PALM2AKAP2: variants seen among roughly 807,000 people sequenced by gnomAD.
The protein encoded by PALM2AKAP2 is PALM2 and AKAP2 fusion, also known as PALM2-AKAP2 fusion protein.
PALM2AKAP2 carries 37 observed loss-of-function variants against 71.5 expected under a neutral mutation model. The ratio of observed to expected loss-of-function variants is 0.52; its 90% CI spans 0.40 to 0.68. The LOEUF is 0.68. Ranked by LOEUF, PALM2AKAP2 falls within the 30% of genes least tolerant of loss-of-function variation. The pLI is 0.00. For synonymous variants in PALM2AKAP2, 468 were observed against 478.8 expected, an observed-to-expected ratio of 0.98 and a Z score of 0.29; for missense variants, 1,224 against 1,191.8, an observed-to-expected ratio of 1.03 and a Z score of -0.40.
intron 1 of PALM2AKAP2, among the ~76,000 whole-genome samples, chr9:109,746,842 G>T (rs1417727181): frequency 6.6e-6 from 1 of 152,216 alleles, no homozygotes; most frequent in Non-Finnish European, 1.5e-5. Context: ...GCTAGATGTG[G>T]CTTCTAGTTG....
intron 6 of PALM2AKAP2, among the ~76,000 whole-genome samples, chr9:109,935,471 G>T (rs969475666): frequency 6.6e-6 from 1 of 152,104 alleles, no homozygotes; most frequent in Non-Finnish European, 1.5e-5. Context: ...TAGTCCACAG[G>T]AATATAAGGG....
intron 1 of PALM2AKAP2, among the ~76,000 whole-genome samples, chr9:110,096,361 T>C (rs1834836061): frequency 6.6e-6 from 1 of 152,090 alleles, no homozygotes; most frequent in Non-Finnish European, 1.5e-5. Flanking sequence ...CCTCCTGGGC[T>C]CAAGCGATCC....
chr9:109,936,615 C>G (rs1294225137), intron 6 of PALM2AKAP2, among the ~76,000 whole-genome samples: 1 of 152,208 alleles, frequency 6.6e-6, no homozygotes, highest in African/African-American at 2.4e-5. Context: ...TGAGATGACC[C>G]TGACCCCCCA....
chr9:109,664,103 C>A (rs1202422338), intron 1 of PALM2AKAP2, among the ~76,000 whole-genome samples: 1 of 152,090 alleles, frequency 6.6e-6, no homozygotes, highest in African/African-American at 2.4e-5. Context: ...AGATGGGTGT[C>A]CTGAATACAA....
intron 1 of PALM2AKAP2, among the ~76,000 whole-genome samples, chr9:109,757,461 G>T (rs1314546797): frequency 3.9e-5 from 6 of 151,976 alleles, no homozygotes; most frequent in Non-Finnish European, 5.9e-5. Flanking sequence ...GTCTCCTATG[G>T]TCACAAAGTC....
chr9:109,942,876 C>A, intron 6 of PALM2AKAP2: 1 of 1,614,102 alleles, frequency 6.2e-7, no homozygotes, highest in Non-Finnish European at 8.5e-7. Context: ...ACAAATTAAG[C>A]ACAAAGGATG....
At chr9:109,764,512 C>T (rs1260275172) in intron 1 of PALM2AKAP2, among the ~76,000 whole-genome samples, 2 of 152,186 alleles carry the variant, frequency 1.3e-5, no homozygotes, top group Non-Finnish European at 2.9e-5. Flanking sequence ...CTGGACCCTT[C>T]TCTGGCAGTT....
chr9:110,132,345 C>T (rs1479508425), intron 1 of PALM2AKAP2, among the ~76,000 whole-genome samples: 1 of 151,874 alleles, frequency 6.6e-6, no homozygotes, highest in Non-Finnish European at 1.5e-5. Context: ...CAGGGGTGAG[C>T]CACCGTGCGG....
intron 7 of PALM2AKAP2, among the ~76,000 whole-genome samples, chr9:110,018,519 TG>T (rs1472706689): frequency 6.6e-6 from 1 of 151,926 alleles, no homozygotes; most frequent in Non-Finnish European, 1.5e-5. Context: ...TTAGTAAAGA[TG>T]GGGTTTCACC....
At chr9:109,686,275 G>T (rs141632698) in intron 1 of PALM2AKAP2, among the ~76,000 whole-genome samples, 100 of 152,260 alleles carry the variant, frequency 6.6e-4, no homozygotes, top group African/African-American at 2.4e-3. Flanking sequence ...TTTCCAGAAG[G>T]TTTTCAATTT....
intron 1 of PALM2AKAP2, among the ~76,000 whole-genome samples, chr9:109,666,635 T>G (rs1185856453): frequency 1.3e-5 from 2 of 152,254 alleles, no homozygotes; most frequent in African/African-American, 4.8e-5. Context: ...TGGTTCTAAA[T>G]GTCCAGGCTC....
rs78702396 is a variant in PALM2AKAP2, at chr9:109,736,663, G to A, written c.6-43825G>A. ...CAGATTTCTTAAATGTATCTATCGC[G>A]TAGTGGTGACATCTGGGCTTTTAGT... On this transcript the variant is annotated intron_variant, in intron 1 of 6. Coordinates refer to the PALM2AKAP2 transcript ENST00000374531. 9.5e-4 allele frequency among the ~76,000 whole-genome samples: 145 copies of A among 152,050 alleles called. 5 individuals carry two copies. In the East Asian group the frequency reaches 0.025, roughly 27 times the overall value.
At chr9:110,048,514 C>G (rs1227483511), upstream of PALM2AKAP2, 5 of 578,470 alleles carry the variant, frequency 8.6e-6, no homozygotes, top group African/African-American at 2.0e-5. Context: ...GTTTGTGCAT[C>G]GATTCCGCCG....
intron 7 of PALM2AKAP2, among the ~76,000 whole-genome samples, chr9:110,021,740 T>TA (rs1427928074): frequency 4.7e-4 from 65 of 138,464 alleles, no homozygotes; most frequent in Non-Finnish European, 8.6e-4. Context: ...GACATTGAAT[T>TA]TAAAAAAAAA....
At chr9:109,964,167 A>G (rs917989372) in intron 6 of PALM2AKAP2, among the ~76,000 whole-genome samples, 2 of 152,260 alleles carry the variant, frequency 1.3e-5, no homozygotes, top group African/African-American at 4.8e-5. Flanking sequence ...CTATTTGTGC[A>G]CTTGCTCCAA....
intron 1 of PALM2AKAP2, among the ~76,000 whole-genome samples, chr9:109,651,397 T>G (rs1209035639): frequency 1.3e-5 from 2 of 152,196 alleles, no homozygotes; most frequent in Non-Finnish European, 2.9e-5. Context: ...GGCTCCCTTA[T>G]CACTTTGTTA....
At chr9:109,961,205 T>A (rs1831846161) in intron 6 of PALM2AKAP2, among the ~76,000 whole-genome samples, 2 of 152,276 alleles carry the variant, frequency 1.3e-5, no homozygotes, top group Admixed American at 6.5e-5. Flanking sequence ...AAACTTACTT[T>A]ATAATCATAG....
chr9:109,982,388 A>G (rs576961713), intron 6 of PALM2AKAP2, among the ~76,000 whole-genome samples: 41 of 152,314 alleles, frequency 2.7e-4, no homozygotes, highest in Non-Finnish European at 5.4e-4. Context: ...AAGATCTAAT[A>G]TTTGATAGCA....
intron 1 of PALM2AKAP2, among the ~76,000 whole-genome samples, chr9:109,685,546 A>C (rs901227570): frequency 6.6e-6 from 1 of 152,172 alleles, no homozygotes; most frequent in Non-Finnish European, 1.5e-5. Context: ...TACTCTAAAG[A>C]CTATAGTCTT....
Sources: allele counts gnomAD v4.1 joint callset (sites outside exome capture counted in the v4.1 genomes callset), GRCh38; gene constraint gnomAD v4.1.1; transcripts MANE v1.5; gene names NCBI Gene and HGNC (gene_info 2026-07-23, HGNC 2026-07-21).